The following SLC9A3 variants were observed in gnomAD, a reference collection of about 807,000 sequenced individuals.
The protein encoded by SLC9A3 is sodium/hydrogen exchanger 3.
SLC9A3 carries 37 observed loss-of-function variants against 86.8 expected under a neutral mutation model. That is an observed-to-expected ratio of 0.43 (90% confidence interval 0.33 to 0.56). The LOEUF (loss-of-function observed/expected upper bound fraction) is 0.56, where lower values mean the gene tolerates loss of function less well. Ranked by LOEUF, SLC9A3 falls within the 20% of genes least tolerant of loss-of-function variation. The pLI, the probability that SLC9A3 is intolerant of heterozygous loss-of-function variation, is 0.06. For missense variants in SLC9A3, 1,011 were observed against 1,171.9 expected (o/e 0.86, Z 2.00); for synonymous variants, 581 against 528.3 (o/e 1.10, Z -1.37).
chr5:507,034 G>A lies in SLC9A3; in HGVS notation c.212-14963C>T, dbSNP rs527939039. Among the ~76,000 whole-genome samples, 47 of 150,376 alleles carry A rather than the reference G, an allele frequency of 3.1e-4. 1 individual carries two copies. In the East Asian group the frequency reaches 8.3e-3, roughly 26 times the overall value. On this transcript the variant is annotated intron_variant, in intron 1 of 16. Transcript: ENST00000264938. Reference sequence around the variant, plus strand: ...TGTGGTGAGCCGAGATCGAGATTGGGCCACTGCACTCCAGCCTGGGAGACA... The same window carrying A: ...TGTGGTGAGCCGAGATCGAGATTGGACCACTGCACTCCAGCCTGGGAGACA...
At chr5:504,802 C>G (rs374900437) in intron 1 of SLC9A3, among the ~76,000 whole-genome samples, 1 of 152,336 alleles carries the variant, frequency 6.6e-6, no homozygotes, top group African/African-American at 2.4e-5. Context: ...TTCATGGGGG[C>G]CGGGCCAGAG....
chr5:506,683 A>C (rs1361080526), intron 1 of SLC9A3, among the ~76,000 whole-genome samples: 1 of 152,208 alleles, frequency 6.6e-6, no homozygotes, highest in Non-Finnish European at 1.5e-5. Flanking sequence ...TAAAGACTGA[A>C]AATCAGACTC....
Position 483,266 on chromosome 5 carries a change from G to A in SLC9A3, c.1149C>T (p.Ala383=), listed in dbSNP as rs1325091737. The A allele has an allele frequency of 6.5e-7, 1 of 1,541,488 alleles. No homozygotes were observed. ...LTLVFISVYR[A]IGVVLQTWLL... ...CGCAACCCGGCCCCGCCTCACCGAT[G>A]GCCCGGTACACGGAGATGAAGACCA... Residue 383 remains alanine (A), a synonymous_variant, in exon 6 of 17, where the codon GCC becomes GCT. Coordinates refer to ENST00000264938, the MANE Select transcript of SLC9A3 (RefSeq NM_004174.4).
chr5:510,367 C>T (rs933952486), intron 1 of SLC9A3, among the ~76,000 whole-genome samples: 4 of 152,206 alleles, frequency 2.6e-5, no homozygotes, highest in Non-Finnish European at 5.9e-5. Flanking sequence ...GCCGGCAGCA[C>T]GCTTGGTCCC....
intron 1 of SLC9A3, among the ~76,000 whole-genome samples, chr5:519,508 T>C (rs1282342304): frequency 2.6e-5 from 4 of 152,198 alleles, no homozygotes; most frequent in Non-Finnish European, 5.9e-5. Context: ...GGTGGAAGGC[T>C]GCACCTGGGA....
chr5:497,337 C>T lies in SLC9A3; in HGVS notation c.212-5266G>A, dbSNP rs1034144019. Reference sequence around the variant, plus strand: ...AGGAGTCGACGCCCCCCACTGCCCTCGAAACCTGGTTTCTCTGCTCCCGGG... The same window carrying T: ...AGGAGTCGACGCCCCCCACTGCCCTTGAAACCTGGTTTCTCTGCTCCCGGG... On this transcript the variant is annotated intron_variant, in intron 1 of 16. Coordinates refer to ENST00000264938, the MANE Select transcript of SLC9A3 (RefSeq NM_004174.4). This position sits in a 1 kb window ranked among gnomAD's most constrained non-coding sequence, Gnocchi z 5.4. 6.6e-6 allele frequency among the ~76,000 whole-genome samples: 1 copy of T among 152,240 alleles called. No individual in the cohort carries two copies. Among genetic ancestry groups the T allele is most frequent in the African/African-American group, 2.4e-5 (1 of 41,530 alleles).
At chr5:518,561 A>G (rs779791000) in intron 1 of SLC9A3, among the ~76,000 whole-genome samples, 12 of 152,198 alleles carry the variant, frequency 7.9e-5, no homozygotes, top group Non-Finnish European at 1.6e-4. Context: ...TTCATCGTGC[A>G]CTGAGACTCC....
At chr5:523,605 A>T (rs1733947688) in intron 1 of SLC9A3, among the ~76,000 whole-genome samples, 1 of 124,928 alleles carries the variant, frequency 8.0e-6, no homozygotes, top group South Asian at 2.5e-4. Context: ...GGGATTTTCT[A>T]AAAAAAAAAA....
rs565182935 is a variant in SLC9A3 at position 475,164 on chromosome 5, C to T, written c.2252-32G>A. 5.6e-5 allele frequency: 86 copies of T among 1,539,362 alleles called. No homozygotes were observed. In the South Asian group the frequency reaches 9.4e-4, roughly 17 times the overall value. On this transcript the variant is annotated intron_variant, in intron 15 of 16. Coordinates refer to ENST00000264938, the MANE Select transcript of SLC9A3 (RefSeq NM_004174.4). ...GAGAGGGCAGCGGCTAGTCAGCCTT[C>T]GGAGAGCCCCACGGCGGCAGGGGAG...
At chr5:500,530 G>T (rs1365995704) in intron 1 of SLC9A3, among the ~76,000 whole-genome samples, 1 of 151,718 alleles carries the variant, frequency 6.6e-6, no homozygotes, top group Non-Finnish European at 1.5e-5. Context: ...TGTGGACGGG[G>T]CTGGTGTGGG....
intron 2 of SLC9A3, among the ~76,000 whole-genome samples, chr5:490,747 C>T (rs1440482200): frequency 6.6e-6 from 1 of 152,206 alleles, no homozygotes; most frequent in Non-Finnish European, 1.5e-5. Flanking sequence ...GGCGGCTGCC[C>T]CATCCGAGGT....
Position 472,980 on chromosome 5 carries a change from T to G in SLC9A3, c.*399A>C. The G allele has an allele frequency of 1.9e-6, 1 of 513,750 alleles. No homozygotes were observed. The highest frequency in any genetic ancestry group is 3.7e-5 in the East Asian group (1 of 26,988). 31.8% of individuals were successfully genotyped at this position (513,750 alleles called of 1,614,324 possible). On this transcript the variant is annotated 3_prime_UTR_variant, in exon 17 of 17. Coordinates refer to ENST00000264938, the MANE Select transcript of SLC9A3 (RefSeq NM_004174.4). ...CCGGCGGCGTCACAGCGGCGTCTCC[T>G]CCTGCTCCAGCGCGTGCGGCGGTGC...
In SLC9A3 at chr5:488,424, C is replaced by T. The variant is rs1224421252; in HGVS notation, c.567G>A (p.Ala189=). The T allele has an allele frequency of 1.1e-5, 18 of 1,599,984 alleles. No homozygotes were observed. The highest frequency in any genetic ancestry group is 3.4e-5 in the Admixed American group (2 of 58,808). The part of the protein sequence containing the change: ...LDFLLFGSLM[A]AVDPVAVLAV... ...CCAGGACGGCCACCGGGTCCACAGC[C>T]GCCATGAGGCTGCCAAACAGGAGGA... Residue 189 remains alanine (A), a synonymous_variant, in exon 3 of 17, where the codon GCG becomes GCA. Coordinates refer to ENST00000264938, the MANE Select transcript of SLC9A3 (RefSeq NM_004174.4).
In SLC9A3 at chr5:482,605, C is replaced by T; in HGVS notation, c.1299G>A (p.Glu433=). ...VVLLDGDKVK[E]KNLFVSTTII... ...TGGTGGTGCTGACGAACAGGTTCTTCTCCTTGACCTTGTCTCCATCCAGAA... is the reference window on the plus strand; with the variant it reads ...TGGTGGTGCTGACGAACAGGTTCTTTTCCTTGACCTTGTCTCCATCCAGAA... Residue 433 remains glutamate (E), a synonymous_variant, in exon 7 of 17, where the codon GAG becomes GAA. Transcript: ENST00000264938. The T allele has an allele frequency of 3.1e-6, 5 of 1,612,892 alleles. No homozygotes were observed. The highest frequency in any genetic ancestry group is 4.2e-6 in the Non-Finnish European group (5 of 1,179,930).
In SLC9A3 at chr5:481,537, C is replaced by T. The variant is rs557990255; in HGVS notation, c.1517+28G>A. ...TGTTTCCAGAAGCCGGGCTGTGCGA[C>T]ACCGCCGGGGCCGTCCCAGCCACTT... is the stretch of plus-strand genomic sequence containing the variant. On this transcript the variant is annotated intron_variant, in intron 9 of 16. Transcript: ENST00000264938. 2.5e-6 allele frequency: 4 copies of T among 1,591,796 alleles called. No homozygotes were observed. In the South Asian group the frequency reaches 4.4e-5, roughly 18 times the overall value.
At chr5:520,280 C>T (rs1380827050) in intron 1 of SLC9A3, among the ~76,000 whole-genome samples, 1 of 152,220 alleles carries the variant, frequency 6.6e-6, no homozygotes, top group Non-Finnish European at 1.5e-5. Flanking sequence ...GAATCCACTC[C>T]CGGCCCCAGC....
rs1738471167 is a variant in SLC9A3 at position 473,061 on chromosome 5, C to G, written c.*318G>C. 3.2e-6 allele frequency: 1 copy of G among 312,640 alleles called. No homozygotes were observed. Among genetic ancestry groups the G allele is most frequent in the South Asian group, 1.3e-4 (1 of 7,656 alleles). 19.4% of individuals were successfully genotyped at this position (312,640 alleles called of 1,614,324 possible). A position where few individuals can be genotyped will look rare whatever the true frequency, so the allele number is the denominator to read the frequency against. On this transcript the variant is annotated 3_prime_UTR_variant, in exon 17 of 17. Transcript: ENST00000264938. ...CAGCAGCGCGGGGCGGCGGCGCGCG[C>G]GAGGCCGCTGGAACGAGCGCCGGCT...
chr5:472,821 G>C lies in SLC9A3; in HGVS notation c.*558C>G. 5.4e-6 allele frequency: 3 copies of C among 556,050 alleles called. No individual in the cohort carries two copies. Among genetic ancestry groups the C allele is most frequent in the South Asian group, 3.1e-5 (2 of 64,694 alleles). 34.4% of individuals were successfully genotyped at this position (556,050 alleles called of 1,614,324 possible). ...TGAGTCGGTCCCCGAGTCAGTCCCC[G>C]GGCGCGGGGCTCGGTTGGGGGGGCC... On this transcript the variant is annotated 3_prime_UTR_variant, in exon 17 of 17. Coordinates refer to ENST00000264938, the MANE Select transcript of SLC9A3 (RefSeq NM_004174.4).
chr5:486,807 C>A (rs547348272), intron 3 of SLC9A3, among the ~76,000 whole-genome samples: 1 of 152,194 alleles, frequency 6.6e-6, no homozygotes, highest in African/African-American at 2.4e-5. Flanking sequence ...CGGGAAGGCA[C>A]CGTCTGCAAG....
Sources: gnomAD v4.1 joint callset for allele counts (sites outside exome capture counted in the v4.1 genomes callset) on GRCh38, gnomAD v4.1.1 for gene constraint, Gnocchi (gnomAD v3.1) non-coding constraint, MANE v1.5 for transcripts, NCBI Gene and HGNC (gene_info 2026-07-23, HGNC 2026-07-21) for gene names.